The following MARK3 variants were observed in gnomAD, a reference collection of about 807,000 sequenced individuals.
MARK3 encodes microtubule affinity regulating kinase 3, also known as MAP/microtubule affinity-regulating kinase 3.
MARK3 carries 46 observed loss-of-function variants against 90.1 expected under a neutral mutation model. The ratio of observed to expected loss-of-function variants is 0.51; its 90% CI spans 0.40 to 0.65. The LOEUF (loss-of-function observed/expected upper bound fraction) is 0.65. Ranked by LOEUF, MARK3 falls within the 30% of genes least tolerant of loss-of-function variation. The pLI is 0.00. For synonymous variants in MARK3, 321 were observed against 332.6 expected, an observed-to-expected ratio of 0.97 and a Z score of 0.38; for missense variants, 818 against 947.2, an observed-to-expected ratio of 0.86 and a Z score of 1.79.
intron 1 of MARK3, among the ~76,000 whole-genome samples, chr14:103,392,566 T>C (rs2090326943): frequency 6.6e-6 from 1 of 152,174 alleles, no homozygotes; most frequent in African/African-American, 2.4e-5. Flanking sequence ...TAGTGTGCAG[T>C]GAAGGCTTGC....
At chr14:103,495,799 G>A (rs979748435) in intron 15 of MARK3, among the ~76,000 whole-genome samples, 2 of 152,204 alleles carry the variant, frequency 1.3e-5, no homozygotes, top group Non-Finnish European at 2.9e-5. Context: ...GCTACTGACA[G>A]TTTGTTCTTA....
intron 14 of MARK3, among the ~76,000 whole-genome samples, chr14:103,483,309 T>G (rs2093860551): frequency 6.6e-6 from 1 of 152,216 alleles, no homozygotes; most frequent in African/African-American, 2.4e-5. Flanking sequence ...TTTCGACATT[T>G]AGCCTTAAAT....
chr14:103,499,091 T>G (rs192265081), intron 16 of MARK3: 1 of 152,376 alleles, frequency 6.6e-6, no homozygotes, highest in East Asian at 1.9e-4. Flanking sequence ...TTTTCAGAGT[T>G]GAAAGCCACT....
chr14:103,468,117 C>A lies in MARK3; in HGVS notation c.1195C>A (p.Gln399Lys). 1 of 1,613,900 alleles carries A rather than the reference C, an allele frequency of 6.2e-7. No individual in the cohort carries two copies. Among genetic ancestry groups the A allele is most frequent in the Non-Finnish European group, 8.5e-7 (1 of 1,179,944 alleles). Residue 399 changes from glutamine (Q) to lysine (K), a missense_variant, in exon 12 of 18, where the codon CAG becomes AAG. This residue lies in a region of MARK3 where 560 missense variants were observed against 613.5 expected (regional missense o/e 0.91). Coordinates refer to ENST00000429436, the MANE Select transcript of MARK3 (RefSeq NM_001128918.3). ...PSSDLNNSTG[Q>K]SPHHKVQRSV... ...CAGTGATCTCAACAACAGTACTGGC[C>A]AGTCTCCTCACCACAAAGTGCAGAG...
intron 3 of MARK3, among the ~76,000 whole-genome samples, chr14:103,433,193 C>T (rs1173213324): frequency 1.3e-5 from 2 of 150,318 alleles, no homozygotes; most frequent in Non-Finnish European, 3.0e-5. Flanking sequence ...TCAAGAGATA[C>T]TTCTGCCTCA....
At chr14:103,498,006 C>T (rs2075438354) in intron 15 of MARK3, among the ~76,000 whole-genome samples, 2 of 152,254 alleles carry the variant, frequency 1.3e-5, no homozygotes, top group South Asian at 4.1e-4. Flanking sequence ...CACTTGAGGC[C>T]AGGAGTTCGA....
At chr14:103,490,917 G>GT (rs1566936018) in intron 14 of MARK3, 1 of 1,243,954 alleles carries the variant, frequency 8.0e-7, no homozygotes. Context: ...TTCATACTGT[G>GT]TTTCTGCCTC....
chr14:103,452,693 G>A (rs947996265), intron 5 of MARK3, among the ~76,000 whole-genome samples: 4 of 151,420 alleles, frequency 2.6e-5, no homozygotes, highest in Non-Finnish European at 4.4e-5. Context: ...GGATGGTCTC[G>A]ATCTCCTGAC....
chr14:103,480,494 G>C lies in MARK3; in HGVS notation c.1586+4G>C, dbSNP rs1205269209. 2.5e-6 allele frequency: 4 copies of C among 1,578,548 alleles called. No homozygotes were observed. The highest frequency in any genetic ancestry group is 3.4e-5 in the Admixed American group (2 of 58,746). ...TTCAGAATGGCAAAGAAAACAGGTAGGAGATTCTACCTGTTTGTAAGAAAA... is the reference window on the plus strand; with the variant it reads ...TTCAGAATGGCAAAGAAAACAGGTACGAGATTCTACCTGTTTGTAAGAAAA... On this transcript the variant is annotated splice_donor_region_variant and intron_variant, in intron 14 of 17. Coordinates refer to ENST00000429436, the MANE Select transcript of MARK3 (RefSeq NM_001128918.3).
chr14:103,428,486 C>T (rs2092480488), intron 3 of MARK3, 46 bp downstream of exon 3: 4 of 1,090,990 alleles, frequency 3.7e-6, no homozygotes, highest in Non-Finnish European at 5.3e-6. Context: ...ATTATCGGTG[C>T]TAATTGCCAT....
chr14:103,450,236 G>C (rs1043056384), intron 4 of MARK3, among the ~76,000 whole-genome samples: 3 of 151,906 alleles, frequency 2.0e-5, no homozygotes, highest in Non-Finnish European at 4.4e-5. Flanking sequence ...AAATCACAAG[G>C]AATATAATAG....
intron 14 of MARK3, chr14:103,489,830 G>A (rs1355005226): frequency 1.3e-5 from 2 of 152,320 alleles, no homozygotes; most frequent in African/African-American, 2.4e-5. Flanking sequence ...TGAGACTCCT[G>A]GGGGTAGTTT....
chr14:103,490,411 G>T (rs2093996932), intron 14 of MARK3: 1 of 151,986 alleles, frequency 6.6e-6, no homozygotes, highest in South Asian at 2.1e-4. Flanking sequence ...CGGGCCGGGT[G>T]TGGTGGCTCA....
intron 1 of MARK3, among the ~76,000 whole-genome samples, chr14:103,388,249 G>T (rs2089966577): frequency 6.6e-6 from 1 of 152,192 alleles, no homozygotes; most frequent in Admixed American, 6.5e-5. Context: ...TATTTAAAAT[G>T]AATTTTTGAC....
intron 14 of MARK3, among the ~76,000 whole-genome samples, chr14:103,486,904 G>T (rs1191832324): frequency 6.9e-6 from 1 of 144,840 alleles, no homozygotes; most frequent in African/African-American, 2.8e-5. Context: ...ATGTCAAAAA[G>T]TTTATTTATT....
At chr14:103,444,570 A>T (rs1340634717) in intron 3 of MARK3, among the ~76,000 whole-genome samples, 3 of 152,194 alleles carry the variant, frequency 2.0e-5, no homozygotes, top group African/African-American at 7.2e-5. Flanking sequence ...CGAGGTCAGG[A>T]GATCGAGACC....
chr14:103,468,314 C>CTTCTTTTTTTTTTT (rs1555395510), intron 12 of MARK3, 128 bp downstream of exon 12: 1 of 113,946 alleles, frequency 8.8e-6, no homozygotes. Context: ...TTTCTTTCTT[C>CTTCTTTTTTTTTTT]TTTTTTTTTT....
At chr14:103,430,513 C>T (rs1171083971) in intron 3 of MARK3, among the ~76,000 whole-genome samples, 1 of 152,126 alleles carries the variant, frequency 6.6e-6, no homozygotes, top group Non-Finnish European at 1.5e-5. Context: ...AGGAACAGCT[C>T]TCTTAGATAG....
intron 2 of MARK3, among the ~76,000 whole-genome samples, chr14:103,411,080 C>G (rs2091601560): frequency 6.6e-6 from 1 of 152,154 alleles, no homozygotes; most frequent in African/African-American, 2.4e-5. Context: ...CGAGACCATC[C>G]TGGATAACAC....
Sources: allele counts gnomAD v4.1 joint callset (sites outside exome capture counted in the v4.1 genomes callset), GRCh38; gene constraint gnomAD v4.1.1; regional missense constraint gnomAD v4.1.1; transcripts MANE v1.5; gene names NCBI Gene and HGNC (gene_info 2026-07-23, HGNC 2026-07-21).